GRM5: variants seen among roughly 807,000 people sequenced by gnomAD.
GRM5 encodes the protein glutamate metabotropic receptor 5.
A neutral mutation model predicts 83.1 loss-of-function variants in GRM5; 19 were observed. That is an observed-to-expected ratio of 0.23 (90% CI 0.16 to 0.34). The LOEUF (loss-of-function observed/expected upper bound fraction) is 0.34. Among genes scored for constraint, GRM5 ranks in the 10% least tolerant of loss-of-function variants. The pLI is 1.00. For synonymous variants in GRM5, 675 were observed against 633.6 expected, an observed-to-expected ratio of 1.07 and a Z score of -0.98; for missense variants, 1,160 against 1,588.3, an observed-to-expected ratio of 0.73 and a Z score of 4.58.
In GRM5 at chr11:89,016,438, T is replaced by C. The variant is rs374145557; in HGVS notation, c.661+30774A>G. ...TTTATATAAGGACTTTGAATAACAA[T>C]ATTCTTGTTGTCTTTAATAATAGTC... On this transcript the variant is annotated intron_variant, in intron 2 of 9. Coordinates refer to ENST00000305447, the MANE Select transcript of GRM5 (RefSeq NM_001143831.3). 5.9e-5 allele frequency among the ~76,000 whole-genome samples: 9 copies of C among 152,120 alleles called. No individual in the cohort carries two copies. In the South Asian group the frequency reaches 1.9e-3, roughly 31 times the overall value.
chr11:88,924,971 G>C (rs1482462914), intron 2 of GRM5, among the ~76,000 whole-genome samples: 1 of 151,816 alleles, frequency 6.6e-6, no homozygotes, highest in Non-Finnish European at 1.5e-5. Context: ...AAATCATTTT[G>C]GGGGAGGGAA....
chr11:89,012,691 G>T (rs549744178), intron 2 of GRM5, among the ~76,000 whole-genome samples: 42 of 152,194 alleles, frequency 2.8e-4, no homozygotes, highest in African/African-American at 9.6e-4. Context: ...TAAAGCTCTC[G>T]CAAAATTGAA....
At chr11:88,658,367 A>G (rs1939820557) in intron 3 of GRM5, among the ~76,000 whole-genome samples, 1 of 152,198 alleles carries the variant, frequency 6.6e-6, no homozygotes, top group Admixed American at 6.5e-5. Flanking sequence ...TGAACAAATC[A>G]CATGGCTAAA....
chr11:88,676,499 A>G (rs1164243027), intron 3 of GRM5, among the ~76,000 whole-genome samples: 1 of 152,088 alleles, frequency 6.6e-6, no homozygotes, highest in Non-Finnish European at 1.5e-5. Flanking sequence ...AATAGTAAAC[A>G]TTGAATAATT....
rs547111388 is a variant in GRM5, at chr11:88,622,527, C to A, written c.1148-17563G>T. 2.0e-5 allele frequency among the ~76,000 whole-genome samples: 3 copies of A among 152,240 alleles called. No individual in the cohort carries two copies. The South Asian group carries it at 6.2e-4, about 32-fold the overall frequency. ...ATTTATTTCATTATAACCCAGACTT[C>A]AATTCCTTTGATTTATGGGATCACC... is the stretch of plus-strand genomic sequence containing the variant. On this transcript the variant is annotated intron_variant, in intron 4 of 9. Transcript: ENST00000305447.
chr11:88,757,602 A>G (rs1792158941), intron 3 of GRM5, among the ~76,000 whole-genome samples: 1 of 151,400 alleles, frequency 6.6e-6, no homozygotes, highest in Non-Finnish European at 1.5e-5. Flanking sequence ...CCCCCCTGCT[A>G]ACACCACCAC....
chr11:88,965,017 A>T, intron 2 of GRM5, among the ~76,000 whole-genome samples: 1 of 152,160 alleles, frequency 6.6e-6, no homozygotes, highest in Non-Finnish European at 1.5e-5. Context: ...TACCTAGCAG[A>T]TCTGTATATT....
chr11:88,994,965 T>C (rs1940130291), intron 2 of GRM5, among the ~76,000 whole-genome samples: 1 of 152,152 alleles, frequency 6.6e-6, no homozygotes, highest in African/African-American at 2.4e-5. Flanking sequence ...AAAATGAAAT[T>C]ATTTAAAGAA....
At chr11:88,987,480 A>C (rs7119557) in intron 2 of GRM5, among the ~76,000 whole-genome samples, 25 of 151,662 alleles carry the variant, frequency 1.6e-4, no homozygotes, top group African/African-American at 6.1e-4. Flanking sequence ...CAAAGCAGCC[A>C]GGAAGCTCGA....
chr11:88,811,291 A>T (rs1017969603), intron 3 of GRM5, among the ~76,000 whole-genome samples: 2 of 152,116 alleles, frequency 1.3e-5, no homozygotes, highest in Non-Finnish European at 2.9e-5. Context: ...ACTTTGTGAC[A>T]GTTTGGAGAA....
At chr11:88,644,873 C>T (rs185646349) in intron 4 of GRM5, among the ~76,000 whole-genome samples, 2 of 152,092 alleles carry the variant, frequency 1.3e-5, no homozygotes. Flanking sequence ...GGAGTGTGTA[C>T]AGGAGAGCAC....
chr11:88,675,733 A>C (rs1940309957), intron 3 of GRM5, among the ~76,000 whole-genome samples: 1 of 152,026 alleles, frequency 6.6e-6, no homozygotes, highest in African/African-American at 2.4e-5. Context: ...GACTTCCGTC[A>C]CGTCATCCTA....
chr11:88,737,735 C>T (rs1034426759), intron 3 of GRM5, among the ~76,000 whole-genome samples: 1 of 152,008 alleles, frequency 6.6e-6, no homozygotes, highest in African/African-American at 2.4e-5. Flanking sequence ...GCAGGCTCAT[C>T]TTGGCCATAG....
chr11:88,553,882 G>A (rs986559919), intron 8 of GRM5, among the ~76,000 whole-genome samples: 2 of 152,070 alleles, frequency 1.3e-5, no homozygotes, highest in African/African-American at 4.8e-5. Context: ...GTTTTGGGTA[G>A]GGAAGACCAA....
At chr11:88,604,085 T>G (rs1673306207) in intron 5 of GRM5, among the ~76,000 whole-genome samples, 1 of 152,146 alleles carries the variant, frequency 6.6e-6, no homozygotes, top group South Asian at 2.1e-4. Flanking sequence ...AAGACAAATG[T>G]GAATTATGGT....
intron 3 of GRM5, among the ~76,000 whole-genome samples, chr11:88,847,470 C>A (rs1001968028): frequency 2.0e-5 from 3 of 152,102 alleles, no homozygotes; most frequent in African/African-American, 7.2e-5. Flanking sequence ...TTTATTAACA[C>A]CCACAGTGCC....
chr11:88,745,313 ACCTCAG>A (rs67929991), intron 3 of GRM5, among the ~76,000 whole-genome samples: 94,714 of 149,676 alleles, frequency 0.63, 30,496 homozygotes, highest in South Asian at 0.86. Context: ...CCACCCACCC[ACCTCAG>A]CCTCAGCCTC....
In GRM5 at chr11:88,833,472, C is replaced by T. The variant is rs528008196; in HGVS notation, c.911+16434G>A. On this transcript the variant is annotated intron_variant, in intron 3 of 9. Coordinates refer to ENST00000305447, the MANE Select transcript of GRM5 (RefSeq NM_001143831.3). ...GTTAGAATGGCTATTATTAAAAAGA[C>T]AAAAAATAAAAGATGCTGGCCAGAA... Among the ~76,000 whole-genome samples the T allele has an allele frequency of 9.9e-5, 15 of 151,416 alleles. 1 individual carries two copies. The South Asian group carries it at 2.9e-3, about 30-fold the overall frequency.
intron 7 of GRM5, among the ~76,000 whole-genome samples, chr11:88,572,869 A>C (rs1053766258): frequency 1.3e-5 from 2 of 152,166 alleles, no homozygotes; most frequent in Admixed American, 6.5e-5. Flanking sequence ...GTATAGTTTT[A>C]TTATGAATTT....
Sources: allele counts gnomAD v4.1 joint callset (sites outside exome capture counted in the v4.1 genomes callset), GRCh38; gene constraint gnomAD v4.1.1; transcripts MANE v1.5; gene names NCBI Gene and HGNC (gene_info 2026-07-23, HGNC 2026-07-21).